MTHFD1L: variants seen among roughly 807,000 people sequenced by gnomAD.
The protein encoded by MTHFD1L is methylenetetrahydrofolate dehydrogenase (NADP+ dependent) 1 like.
A neutral mutation model predicts 119.5 loss-of-function variants in MTHFD1L; 81 were observed. That is an observed-to-expected ratio of 0.68 (90% CI 0.57 to 0.82). The LOEUF is 0.82. Ranked by LOEUF, MTHFD1L falls within the 40% of genes least tolerant of loss-of-function variation. The pLI, the probability that MTHFD1L is intolerant of heterozygous loss-of-function variation, is 0.00. For missense variants in MTHFD1L, 1,125 were observed against 1,253.4 expected, an observed-to-expected ratio of 0.90 and a Z score of 1.55; for synonymous variants, 430 against 475.2, an observed-to-expected ratio of 0.90 and a Z score of 1.24.
At position 150,926,477 on chromosome 6, in the gene MTHFD1L, G is replaced by T. The variant is rs1012227112; in HGVS notation, c.1256+182G>T. On this transcript the variant is annotated intron_variant, in intron 11 of 27. Coordinates refer to ENST00000367321, the MANE Select transcript of MTHFD1L (RefSeq NM_015440.5). This position sits in a 1 kb window ranked among gnomAD's most constrained non-coding sequence, Gnocchi z 4.3. ...TTTATTTTCAGTGCAGAGCAAACTA[G>T]TCGACTCTACACAAGATAAAGTCAA... Among the ~76,000 whole-genome samples, 4 of 152,144 alleles carry T rather than the reference G, an allele frequency of 2.6e-5. No individual in the cohort carries two copies. Among genetic ancestry groups the T allele is most frequent in the African/African-American group, 9.7e-5 (4 of 41,434 alleles).
At chr6:150,910,389 C>A (rs916363164) in intron 8 of MTHFD1L, among the ~76,000 whole-genome samples, 2 of 151,144 alleles carry the variant, frequency 1.3e-5, no homozygotes, top group African/African-American at 4.9e-5. Flanking sequence ...CGTGGAGAAA[C>A]CCCATCTCTA....
intron 26 of MTHFD1L, among the ~76,000 whole-genome samples, chr6:151,083,567 A>G (rs551483130): frequency 6.6e-6 from 1 of 152,364 alleles, no homozygotes; most frequent in East Asian, 1.9e-4. Flanking sequence ...AATGAAGCAT[A>G]TAAGTGACAG....
chr6:151,030,829 C>T (rs768582017), intron 24 of MTHFD1L, among the ~76,000 whole-genome samples: 2 of 152,126 alleles, frequency 1.3e-5, no homozygotes, highest in Non-Finnish European at 2.9e-5. Flanking sequence ...GAGATGGTCC[C>T]GAGGCTCAAA....
In MTHFD1L at chr6:150,980,602, G is replaced by A. The variant is rs76543537; in HGVS notation, c.2125+8544G>A. 2.7e-3 allele frequency among the ~76,000 whole-genome samples: 408 copies of A among 151,742 alleles called. 2 individuals carry two copies. Among genetic ancestry groups the A allele is most frequent in the Non-Finnish European group, 5.0e-3 (337 of 67,936 alleles). On this transcript the variant is annotated intron_variant, in intron 20 of 27. Transcript: ENST00000367321. ...TTTTTAAAGAGATACGTTTAGCTGG[G>A]CATGGTGGCGCATGCCTATAGTCCT...
intron 20 of MTHFD1L, among the ~76,000 whole-genome samples, chr6:150,989,623 C>T (rs1351953460): frequency 6.6e-6 from 1 of 152,096 alleles, no homozygotes; most frequent in Non-Finnish European, 1.5e-5. Context: ...TAAATACATA[C>T]TGTAATAGAG....
chr6:150,877,210 G>T (rs771323665), intron 2 of MTHFD1L, among the ~76,000 whole-genome samples: 1 of 152,024 alleles, frequency 6.6e-6, no homozygotes, highest in Non-Finnish European at 1.5e-5. Flanking sequence ...GCACCATCAC[G>T]CCGGGCTAAT....
At chr6:150,950,907 G>A (rs867460064) in intron 16 of MTHFD1L, among the ~76,000 whole-genome samples, 92 of 152,112 alleles carry the variant, frequency 6.0e-4, no homozygotes, top group Middle Eastern at 3.4e-3. Flanking sequence ...GACCTCAAAC[G>A]ATCCGCCCAC....
chr6:151,044,396 G>A (rs1787629866), intron 26 of MTHFD1L, among the ~76,000 whole-genome samples: 3 of 151,786 alleles, frequency 2.0e-5, no homozygotes, highest in Non-Finnish European at 1.5e-5. Flanking sequence ...CCATCTCCGG[G>A]TTTCAAGCGA....
intron 8 of MTHFD1L, among the ~76,000 whole-genome samples, chr6:150,911,654 G>A (rs1198899113): frequency 6.6e-6 from 1 of 152,064 alleles, no homozygotes; most frequent in Non-Finnish European, 1.5e-5. Context: ...GAGAGGGAGG[G>A]CGTATTAGTC....
intron 14 of MTHFD1L, among the ~76,000 whole-genome samples, chr6:150,945,009 T>C (rs945369091): frequency 1.3e-5 from 2 of 152,244 alleles, no homozygotes; most frequent in Admixed American, 6.5e-5. Context: ...GAGACCCTTA[T>C]TGGGCTTCAT....
At chr6:151,076,319 C>G (rs1411466494) in intron 26 of MTHFD1L, among the ~76,000 whole-genome samples, 1 of 152,102 alleles carries the variant, frequency 6.6e-6, no homozygotes, top group Non-Finnish European at 1.5e-5. Flanking sequence ...CCACTGCACT[C>G]CAGCCTGCAA....
chr6:151,027,728 G>T (rs150346037), intron 24 of MTHFD1L, among the ~76,000 whole-genome samples: 600 of 150,906 alleles, frequency 4.0e-3, no homozygotes, highest in African/African-American at 0.014. Context: ...TAAATAGATT[G>T]CATGCAAGGG....
intron 27 of MTHFD1L, among the ~76,000 whole-genome samples, chr6:151,096,420 T>C (rs80165252): frequency 0.06 from 9,167 of 152,164 alleles, 382 homozygotes; most frequent in South Asian, 0.17. Context: ...ACAGATCCAG[T>C]GTCCTAAGAT....
intron 1 of MTHFD1L, chr6:150,866,547 C>G (rs1294546033): frequency 1.6e-6 from 2 of 1,257,000 alleles, no homozygotes; most frequent in East Asian, 6.5e-5. Context: ...GCGCGAAGCT[C>G]CCTGGTGTTG....
At chr6:151,068,352 G>A (rs1253491418) in intron 26 of MTHFD1L, among the ~76,000 whole-genome samples, 3 of 152,230 alleles carry the variant, frequency 2.0e-5, no homozygotes, top group Non-Finnish European at 4.4e-5. Context: ...TATCAGTGAT[G>A]GAGATGGAGA....
At chr6:150,945,239 A>G (rs1277483932) in intron 14 of MTHFD1L, among the ~76,000 whole-genome samples, 7 of 152,256 alleles carry the variant, frequency 4.6e-5, no homozygotes, top group Non-Finnish European at 8.8e-5. Context: ...ATCAAGAAAT[A>G]TATTTATGCA....
intron 20 of MTHFD1L, among the ~76,000 whole-genome samples, chr6:150,982,763 G>A (rs982945683): frequency 2.0e-5 from 3 of 151,208 alleles, no homozygotes; most frequent in African/African-American, 7.3e-5. Context: ...GCAGTGGCAT[G>A]ATCTCAGCTC....
intron 27 of MTHFD1L, 64 bp downstream of exon 27, chr6:151,092,651 C>A: frequency 3.0e-6 from 3 of 994,236 alleles, no homozygotes; most frequent in African/African-American, 1.6e-5. Context: ...CTTTTTTTGT[C>A]ATTTTTTTTT....
rs1261760009 is a variant in MTHFD1L at position 150,926,344 on chromosome 6, ACT to A, written c.1256+52_1256+53del. On this transcript the variant is annotated intron_variant, in intron 11 of 27. Coordinates refer to ENST00000367321, the MANE Select transcript of MTHFD1L (RefSeq NM_015440.5). The surrounding 1 kb of genome is among the most constrained non-coding windows in gnomAD (Gnocchi z 4.3). ...TTGATCAAGCAGACATATTTACAAAACTCTTCCCTATTTATCTCTCTCCTCGT... is the reference window on the plus strand; with the variant it reads ...TTGATCAAGCAGACATATTTACAAAACTTCCCTATTTATCTCTCTCCTCGT... The A allele has an allele frequency of 1.3e-6, 2 of 1,515,208 alleles. No individual in the cohort carries two copies. The highest frequency in any genetic ancestry group is 1.8e-6 in the Non-Finnish European group (2 of 1,106,962). 93.9% of individuals were successfully genotyped at this position (1,515,208 alleles called of 1,614,324 possible).
Sources: allele counts gnomAD v4.1 joint callset (sites outside exome capture counted in the v4.1 genomes callset), GRCh38; gene constraint gnomAD v4.1.1; non-coding constraint Gnocchi (gnomAD v3.1); transcripts MANE v1.5; gene names NCBI Gene and HGNC (gene_info 2026-07-23, HGNC 2026-07-21).